The following MEGF8 variants were observed in gnomAD, a reference collection of about 807,000 sequenced individuals.
MEGF8 encodes the protein multiple EGF like domains 8, also known as multiple epidermal growth factor-like domains protein 8.
In MEGF8, 156 loss-of-function variants were observed where a neutral mutation model predicts 302.9. The observed-to-expected ratio is 0.52, with a 90% confidence interval of 0.45 to 0.59. The LOEUF (loss-of-function observed/expected upper bound fraction) is 0.59, where lower values mean the gene tolerates loss of function less well. MEGF8 is among the 20% of genes least tolerant of loss of function. The pLI, the probability that MEGF8 is intolerant of heterozygous loss-of-function variation, is 0.00. For synonymous variants in MEGF8, 1,621 were observed against 1,660.5 expected, an observed-to-expected ratio of 0.98 and a Z score of 0.58; for missense variants, 3,345 against 3,964.5, an observed-to-expected ratio of 0.84 and a Z score of 4.20.
chr19:42,355,711 G>A (rs1437740208), intron 23 of MEGF8, 47 bp from the exon 24 acceptor site: 2 of 1,516,060 alleles, frequency 1.3e-6, no homozygotes, highest in Admixed American at 4.1e-5. Flanking sequence ...GGTGGAAGGG[G>A]CCAGGAACGT....
intron 35 of MEGF8, among the ~76,000 whole-genome samples, chr19:42,364,302 G>C (rs760961909): frequency 2.0e-5 from 3 of 151,958 alleles, no homozygotes; most frequent in Non-Finnish European, 2.9e-5. Flanking sequence ...CCACCCCACT[G>C]CCCCCCCGTG....
chr19:42,330,098 A>G (rs2039036422), intron 1 of MEGF8, among the ~76,000 whole-genome samples: 1 of 152,068 alleles, frequency 6.6e-6, no homozygotes, highest in African/African-American at 2.4e-5. Flanking sequence ...ATGTGCCACC[A>G]TGCCGGGCTA....
Position 42,343,531 on chromosome 19 carries a change from G to C in MEGF8, c.1568G>C (p.Gly523Ala). ...TCACATGTAGCTGCGGTGCTTGGTGGCAGCGTCCTGTTGGTGGCTGGGGGG... is the reference window on the plus strand; with the variant it reads ...TCACATGTAGCTGCGGTGCTTGGTGCCAGCGTCCTGTTGGTGGCTGGGGGG... ...RYSHVAAVLGGSVLLVAGGYS... is the reference protein window; with the variant it reads ...RYSHVAAVLGASVLLVAGGYS... Residue 523 changes from glycine (G) to alanine (A), a missense_variant, in exon 9 of 42, where the codon GGC (glycine) becomes GCC (alanine). Physicochemically the swap from Gly to Ala is moderately conservative, Grantham distance 60. Coordinates refer to ENST00000251268, the MANE Select transcript of MEGF8 (RefSeq NM_001271938.2). 6.2e-7 allele frequency: 1 copy of C among 1,613,500 alleles called. No homozygotes were observed. The highest frequency in any genetic ancestry group is 8.5e-7 in the Non-Finnish European group (1 of 1,179,662).
rs993822827 is a variant in MEGF8 at position 42,358,076 on chromosome 19, C to G, written c.5012-68C>G. ...AAGGGAGTGGTCACCGAACAGGGGA[C>G]CGGGAGGTCGGCGGGGTCAGTGCTG... is the stretch of plus-strand genomic sequence containing the variant. On this transcript the variant is annotated intron_variant, in intron 28 of 41. Coordinates refer to ENST00000251268, the MANE Select transcript of MEGF8 (RefSeq NM_001271938.2). This position sits in a 1 kb window ranked among gnomAD's most constrained non-coding sequence, Gnocchi z 4.4. 7.1e-7 allele frequency: 1 copy of G among 1,406,496 alleles called. No individual in the cohort carries two copies. 87.1% of individuals were successfully genotyped at this position (1,406,496 alleles called of 1,614,324 possible). A position where few individuals can be genotyped will look rare whatever the true frequency, so the allele number is the denominator to read the frequency against.
At chr19:42,332,153 C>T (rs1244274873) in intron 1 of MEGF8, among the ~76,000 whole-genome samples, 1 of 152,226 alleles carries the variant, frequency 6.6e-6, no homozygotes, top group Non-Finnish European at 1.5e-5. Context: ...CCACCCACCC[C>T]ACTCTGTTGT....
chr19:42,343,664 G>A (rs765427208), intron 9 of MEGF8, 33 bp downstream of exon 9: 23 of 1,565,838 alleles, frequency 1.5e-5, no homozygotes, highest in Non-Finnish European at 1.9e-5. Context: ...AAGGGTGGCT[G>A]GGGGGAGGAG....
chr19:42,351,607 A>G lies in MEGF8; in HGVS notation c.2988-41A>G. ...TAACAGAGGAAGATTCCCCACCGGC[A>G]AGGGGCTGGGGCTCTGACCCCCACC... On this transcript the variant is annotated intron_variant, in intron 17 of 41. Transcript: ENST00000251268. The surrounding 1 kb of genome is among the most constrained non-coding windows in gnomAD (Gnocchi z 5.6). 6.2e-7 allele frequency: 1 copy of G among 1,601,068 alleles called. No individual in the cohort carries two copies. Among genetic ancestry groups the G allele is most frequent in the Non-Finnish European group, 8.5e-7 (1 of 1,174,270 alleles).
In MEGF8 at chr19:42,358,242, G is replaced by A. The variant is rs747518909; in HGVS notation, c.5110G>A (p.Glu1704Lys). 9 of 1,604,734 alleles carry A rather than the reference G, an allele frequency of 5.6e-6. No homozygotes were observed. Among genetic ancestry groups the A allele is most frequent in the East Asian group, 2.3e-5 (1 of 44,416 alleles). Residue 1704 changes from glutamate to lysine, a missense_variant, in exon 29 of 42, where the codon GAG (glutamate) becomes AAG (lysine). Glu to Lys is a moderately conservative substitution (Grantham distance 56). Transcript: ENST00000251268. This position sits in a 1 kb window ranked among gnomAD's most constrained non-coding sequence, Gnocchi z 4.4. ...TGTGGAGCTGGCGGCCCCATCCCCC[G>A]AGCTCTACTCCCTGCACTGTCCTGA... ...FHVELAAPSP[E>K]LYSLHCPDRT...
At position 42,358,931 on chromosome 19, in the gene MEGF8, G is replaced by A; in HGVS notation, c.5320G>A (p.Glu1774Lys). Residue 1774 changes from glutamate (E) to lysine (K), a missense_variant, in exon 30 of 42, where the codon GAA (glutamate) becomes AAA (lysine). Glu to Lys is a moderately conservative substitution (Grantham distance 56, BLOSUM62 1). Coordinates refer to ENST00000251268, the MANE Select transcript of MEGF8 (RefSeq NM_001271938.2). This position sits in a 1 kb window ranked among gnomAD's most constrained non-coding sequence, Gnocchi z 4.4. ...TGCTGGTACAGGAGGTTTCCTGGAG[G>A]AAATCTCACCTCACCTGAAGGAGGT... ...ALAGTGGFLE[E>K]ISPHLKEPRP... The A allele has an allele frequency of 6.2e-7, 1 of 1,611,172 alleles. No individual in the cohort carries two copies. Among genetic ancestry groups the A allele is most frequent in the Non-Finnish European group, 8.5e-7 (1 of 1,178,828 alleles).
rs1421442778 is a variant in MEGF8, at chr19:42,344,652, C to T, written c.1934-18C>T. On this transcript the variant is annotated intron_variant, in intron 11 of 41. Coordinates refer to ENST00000251268, the MANE Select transcript of MEGF8 (RefSeq NM_001271938.2). This position sits in a 1 kb window ranked among gnomAD's most constrained non-coding sequence, Gnocchi z 4.5. ...CACTCCACACTGACCCACCGGCCCC[C>T]ACCCCCTGTCTTCTCAGAGCAGGCC... 6.4e-7 allele frequency: 1 copy of T among 1,561,698 alleles called. No individual in the cohort carries two copies. The highest frequency in any genetic ancestry group is 1.4e-5 in the African/African-American group (1 of 74,012).
rs1038228164 is a variant in MEGF8, at chr19:42,350,009, C to A, written c.2500-139C>A. The A allele has an allele frequency of 4.3e-6, 3 of 705,524 alleles. No homozygotes were observed. In the Admixed American group the frequency reaches 8.6e-5, roughly 20 times the overall value. 43.7% of individuals were successfully genotyped at this position (705,524 alleles called of 1,614,324 possible). A position where few individuals can be genotyped will look rare whatever the true frequency, so the allele number is the denominator to read the frequency against. On this transcript the variant is annotated intron_variant, in intron 14 of 41. Coordinates refer to ENST00000251268, the MANE Select transcript of MEGF8 (RefSeq NM_001271938.2). ...CCAGATTCCTCCAGACCTTGGACCT[C>A]TTTACTGATTTCCTAAATCCTGACT...
intron 12 of MEGF8, among the ~76,000 whole-genome samples, chr19:42,345,302 T>C (rs1289193044): frequency 1.3e-5 from 2 of 152,264 alleles, no homozygotes; most frequent in Non-Finnish European, 2.9e-5. Flanking sequence ...AATTTTTACA[T>C]TGTGGTAAAA....
In MEGF8 at chr19:42,352,976, T is replaced by C; in HGVS notation, c.3399T>C (p.Phe1133=). 1 of 1,600,462 alleles carries C rather than the reference T, an allele frequency of 6.2e-7. No homozygotes were observed. Among genetic ancestry groups the C allele is most frequent in the Non-Finnish European group, 8.5e-7 (1 of 1,174,304 alleles). ...GHGVCSGPPD[F]TCVCDLGWTS... The stretch of plus-strand genomic sequence containing the variant: ...GTGTGTGCAGTGGCCCCCCGGACTT[T>C]ACCTGCGTGTGTGACCTAGGCTGGA... Residue 1133 remains phenylalanine, a synonymous_variant, in exon 20 of 42, where the codon TTT becomes TTC. Transcript: ENST00000251268. The surrounding 1 kb of genome is among the most constrained non-coding windows in gnomAD (Gnocchi z 4.4).
chr19:42,354,012 C>T lies in MEGF8; in HGVS notation c.3999C>T (p.Ser1333=). 1.3e-6 allele frequency: 2 copies of T among 1,586,858 alleles called. No homozygotes were observed. Among genetic ancestry groups the T allele is most frequent in the Non-Finnish European group, 1.7e-6 (2 of 1,167,162 alleles). ...PLTLTFSPDS[S]TPCTLSYVLA... is the part of the protein sequence containing the mutation. ...CCCTCACCTTCTCCCCCGACAGCAG[C>T]ACCCCCTGCACGGTGAGCACTGAGG... The change falls in exon 22 of 42, where the codon AGC becomes AGT. Residue 1333 remains serine, a synonymous_variant. Coordinates refer to ENST00000251268, the MANE Select transcript of MEGF8 (RefSeq NM_001271938.2). The surrounding 1 kb of genome is among the most constrained non-coding windows in gnomAD (Gnocchi z 4.3).
Position 42,375,695 on chromosome 19 carries a change from C to G in MEGF8, c.7458C>G (p.Asn2486Lys). The G allele has an allele frequency of 6.2e-7, 1 of 1,610,952 alleles. No homozygotes were observed. Among genetic ancestry groups the G allele is most frequent in the Non-Finnish European group, 8.5e-7 (1 of 1,179,028 alleles). The change falls in exon 42 of 42, where the codon AAC becomes AAG. Residue 2486 changes from asparagine to lysine, a missense_variant. Transcript: ENST00000251268. This position sits in a 1 kb window ranked among gnomAD's most constrained non-coding sequence, Gnocchi z 7.1. ...TTGGCGTGCAGCCCAAATTCACCAA[C>G]GTGGACATCCGCCTGACGCTGGACG... Reference protein sequence around the residue: ...VLFGVQPKFTNVDIRLTLDVT... With the variant: ...VLFGVQPKFTKVDIRLTLDVT...
chr19:42,351,753 A>G lies in MEGF8; in HGVS notation c.3093A>G (p.Thr1031=), dbSNP rs375018737. Residue 1031 remains threonine, a synonymous_variant, in exon 18 of 42, where the codon ACA becomes ACG. Coordinates refer to ENST00000251268, the MANE Select transcript of MEGF8 (RefSeq NM_001271938.2). The surrounding 1 kb of genome is among the most constrained non-coding windows in gnomAD (Gnocchi z 5.6). The part of the protein sequence containing the change: ...CGWCGNEDNP[T]LGRCLQGDFS... ...GGTGTGGCAATGAGGACAACCCCAC[A>G]CTGGGACGGTGAGCCCGGGCAGGTG... The G allele has an allele frequency of 3.2e-6, 5 of 1,576,434 alleles. No homozygotes were observed. Among genetic ancestry groups the G allele is most frequent in the South Asian group, 1.2e-5 (1 of 85,918 alleles).
At chr19:42,371,228 G>C in intron 40 of MEGF8, 122 bp from the exon 41 acceptor site, 1 of 1,347,054 alleles carries the variant, frequency 7.4e-7, no homozygotes, top group Non-Finnish European at 1.0e-6. Flanking sequence ...CAAACAGCTT[G>C]ACCTCTGTGA....
intron 2 of MEGF8, 67 bp from the exon 3 acceptor site, chr19:42,333,940 G>A (rs1376749417): frequency 5.2e-6 from 8 of 1,545,882 alleles, no homozygotes; most frequent in East Asian, 2.3e-5. Flanking sequence ...GGGGGCAGGA[G>A]TGGGCCACCC....
intron 41 of MEGF8, among the ~76,000 whole-genome samples, chr19:42,372,130 G>C (rs947394729): frequency 6.6e-6 from 1 of 151,866 alleles, no homozygotes; most frequent in Non-Finnish European, 1.5e-5. Flanking sequence ...TTGACTCTTA[G>C]AACTGAGGGT....
Sources: allele counts gnomAD v4.1 joint callset (sites outside exome capture counted in the v4.1 genomes callset), GRCh38; gene constraint gnomAD v4.1.1; non-coding constraint Gnocchi (gnomAD v3.1); transcripts MANE v1.5; gene names NCBI Gene and HGNC (gene_info 2026-07-23, HGNC 2026-07-21).